Variants in PPP1R13B observed in about 807,000 individuals in gnomAD.
PPP1R13B encodes the protein apoptosis-stimulating of p53 protein 1.
Under a neutral mutation model 119.8 loss-of-function variants are expected in PPP1R13B, and 44 were observed. The observed-to-expected ratio is 0.37, with a 90% CI of 0.29 to 0.47. PPP1R13B has a LOEUF of 0.47. Among genes scored for constraint, PPP1R13B ranks in the 20% least tolerant of loss-of-function variants. The pLI is 0.99. For missense variants in PPP1R13B, 1,227 were observed against 1,413.5 expected (o/e 0.87, Z 2.12); for synonymous variants, 542 against 561.5 (o/e 0.97, Z 0.49).
At position 103,836,761 on chromosome 14, in the gene PPP1R13B, G is replaced by A. The variant is rs900386054; in HGVS notation, c.9+10538C>T. On this transcript the variant is annotated intron_variant, in intron 1 of 16. Transcript: ENST00000202556. ...CTCCAGCCTGGGCAACAGAGCAAGAGTCTGTCTCAGAAAAGAAAAAAAAAA... is the reference window on the plus strand; with the variant it reads ...CTCCAGCCTGGGCAACAGAGCAAGAATCTGTCTCAGAAAAGAAAAAAAAAA... Among the ~76,000 whole-genome samples the A allele has an allele frequency of 4.0e-4, 57 of 140,994 alleles. 1 individual carries two copies. The highest frequency in any genetic ancestry group is 7.9e-4 in the Non-Finnish European group (52 of 66,008). 92.5% of individuals were successfully genotyped at this position (140,994 alleles called of 152,430 possible).
rs377480943 is a variant in PPP1R13B at position 103,742,802 on chromosome 14, G to C, written c.1172C>G (p.Thr391Arg). The change falls in exon 10 of 17, where the codon ACA becomes AGA. Residue 391 changes from threonine (T) to arginine (R), a missense_variant. Thr to Arg is a moderately conservative substitution (Grantham distance 71). Coordinates refer to ENST00000202556, the MANE Select transcript of PPP1R13B (RefSeq NM_015316.3). This position sits in a 1 kb window ranked among gnomAD's most constrained non-coding sequence, Gnocchi z 4.9. Reference sequence around the variant, plus strand: ...GGAAGAGCTAGAATTCTGTTTTAATGTTGGCCAGTTTCCATCATTAGCTTG... The same window carrying C: ...GGAAGAGCTAGAATTCTGTTTTAATCTTGGCCAGTTTCCATCATTAGCTTG... ...SKSANDGNWP[T>R]LKQNSSSSVK... 1.2e-6 allele frequency: 2 copies of C among 1,614,122 alleles called. No homozygotes were observed. Among genetic ancestry groups the C allele is most frequent in the South Asian group, 2.2e-5 (2 of 91,086 alleles).
In PPP1R13B at chr14:103,847,568, G is replaced by A. The variant is rs2087087749; in HGVS notation, c.-261C>T. ...TCAGCCTCAGCCTCAGCCCCAGCCC[G>A]ACAGCCTGCGGCCCGCCCGCCCGGC... On this transcript the variant is annotated 5_prime_UTR_variant, in exon 1 of 17. Coordinates refer to ENST00000202556, the MANE Select transcript of PPP1R13B (RefSeq NM_015316.3). The A allele has an allele frequency of 1.0e-6, 1 of 985,742 alleles. No homozygotes were observed. 61.1% of individuals were successfully genotyped at this position (985,742 alleles called of 1,614,324 possible). A position where few individuals can be genotyped will look rare whatever the true frequency, so the allele number is the denominator to read the frequency against.
At chr14:103,804,503 G>A (rs537521591) in intron 1 of PPP1R13B, among the ~76,000 whole-genome samples, 3 of 152,088 alleles carry the variant, frequency 2.0e-5, no homozygotes, top group East Asian at 1.9e-4. Context: ...CAGGAGGATC[G>A]CTTAGGCCCA....
At chr14:103,793,409 C>A (rs899743558) in intron 2 of PPP1R13B, among the ~76,000 whole-genome samples, 2 of 152,046 alleles carry the variant, frequency 1.3e-5, no homozygotes, top group South Asian at 2.1e-4. Flanking sequence ...AGGGGCTCTT[C>A]CCCCTTCACT....
At chr14:103,827,111 T>C (rs1595830941) in intron 1 of PPP1R13B, among the ~76,000 whole-genome samples, 1 of 151,708 alleles carries the variant, frequency 6.6e-6, no homozygotes, top group Admixed American at 6.6e-5. Context: ...GATCATGAGG[T>C]CAGGAGATCG....
At chr14:103,795,266 A>G (rs1309929066) in intron 2 of PPP1R13B, among the ~76,000 whole-genome samples, 1 of 152,172 alleles carries the variant, frequency 6.6e-6, no homozygotes, top group Non-Finnish European at 1.5e-5. Context: ...ATACAACGAC[A>G]GTATTAGAGC....
At position 103,802,497 on chromosome 14, in the gene PPP1R13B, G is replaced by T. The variant is rs543054278; in HGVS notation, c.10-4979C>A. 1.1e-3 allele frequency among the ~76,000 whole-genome samples: 162 copies of T among 152,100 alleles called. 1 individual carries two copies. The highest frequency in any genetic ancestry group is 4.3e-3 in the Admixed American group (65 of 15,256). ...ACTTCGGAATCGGTTTTTCTTCCTT[G>T]TTCCTTACCCTTCTACCCACTAAGG... On this transcript the variant is annotated intron_variant, in intron 1 of 16. Transcript: ENST00000202556.
chr14:103,809,417 T>C (rs1324869805), intron 1 of PPP1R13B, among the ~76,000 whole-genome samples: 1 of 152,216 alleles, frequency 6.6e-6, no homozygotes, highest in Non-Finnish European at 1.5e-5. Flanking sequence ...TTAAACCTTG[T>C]AGAAATGTGA....
chr14:103,748,061 TCACATACACACACACA>T (rs1346674758), intron 8 of PPP1R13B, among the ~76,000 whole-genome samples: 6 of 111,300 alleles, frequency 5.4e-5, no homozygotes, highest in African/African-American at 2.2e-4. Flanking sequence ...ATTCCTTAAA[TCACATACACACACACA>T]CACACACACA....
chr14:103,819,958 T>C (rs145612203), intron 1 of PPP1R13B, among the ~76,000 whole-genome samples: 1 of 152,328 alleles, frequency 6.6e-6, no homozygotes, highest in East Asian at 1.9e-4. Flanking sequence ...TTACTTGTAG[T>C]AGAGTTCAGA....
intron 5 of PPP1R13B, among the ~76,000 whole-genome samples, chr14:103,757,323 G>T (rs1268901322): frequency 6.6e-6 from 1 of 152,150 alleles, no homozygotes; most frequent in Non-Finnish European, 1.5e-5. Flanking sequence ...CAGAGTGCTG[G>T]GATTACAGGC....
intron 2 of PPP1R13B, among the ~76,000 whole-genome samples, chr14:103,786,405 A>C (rs1004667891): frequency 2.6e-5 from 4 of 152,142 alleles, no homozygotes; most frequent in African/African-American, 9.7e-5. Flanking sequence ...GAACACTTTT[A>C]TATGTATAAT....
chr14:103,813,486 G>A (rs995516823), intron 1 of PPP1R13B, among the ~76,000 whole-genome samples: 18 of 152,070 alleles, frequency 1.2e-4, no homozygotes, highest in African/African-American at 4.1e-4. Flanking sequence ...TTTTGTTCTC[G>A]TGATAATGCG....
At chr14:103,817,187 G>A (rs546270603) in intron 1 of PPP1R13B, among the ~76,000 whole-genome samples, 54 of 152,122 alleles carry the variant, frequency 3.5e-4, no homozygotes, top group African/African-American at 1.2e-3. Context: ...ATCTAAATTC[G>A]GGCACTAATG....
At chr14:103,756,860 AC>A (rs1462907864) in intron 5 of PPP1R13B, among the ~76,000 whole-genome samples, 1 of 151,678 alleles carries the variant, frequency 6.6e-6, no homozygotes, top group Non-Finnish European at 1.5e-5. Context: ...CTGGGTTCAC[AC>A]CATTCTCCCG....
At chr14:103,828,699 T>C (rs1307851304) in intron 1 of PPP1R13B, among the ~76,000 whole-genome samples, 2 of 151,910 alleles carry the variant, frequency 1.3e-5, no homozygotes, top group Non-Finnish European at 2.9e-5. Flanking sequence ...AAGCCACAGA[T>C]GGAATGAGAG....
chr14:103,844,345 G>T (rs11627026), intron 1 of PPP1R13B, among the ~76,000 whole-genome samples: 3,017 of 151,940 alleles, frequency 0.02, 57 homozygotes, highest in Middle Eastern at 0.072. Flanking sequence ...ACAGAGATTT[G>T]ATTGTGTCAG....
At chr14:103,773,943 G>A (rs551750171) in intron 4 of PPP1R13B, among the ~76,000 whole-genome samples, 522 of 152,248 alleles carry the variant, frequency 3.4e-3, no homozygotes, top group Non-Finnish European at 5.5e-3. Flanking sequence ...TATGGAAAAC[G>A]GTGCCTGGGT....
intron 1 of PPP1R13B, among the ~76,000 whole-genome samples, chr14:103,818,291 G>A (rs1047503696): frequency 2.6e-5 from 4 of 152,146 alleles, no homozygotes; most frequent in Non-Finnish European, 4.4e-5. Context: ...TCAGATACCA[G>A]AAGAGCCCTT....
Sources: allele counts gnomAD v4.1 joint callset (sites outside exome capture counted in the v4.1 genomes callset), GRCh38; gene constraint gnomAD v4.1.1; non-coding constraint Gnocchi (gnomAD v3.1); transcripts MANE v1.5; gene names NCBI Gene and HGNC (gene_info 2026-07-23, HGNC 2026-07-21).